MAGI2: variants seen among roughly 807,000 people sequenced by gnomAD.
The protein encoded by MAGI2 is membrane-associated guanylate kinase, WW and PDZ domain-containing protein 2.
Under a neutral mutation model 133.3 loss-of-function variants are expected in MAGI2, and 35 were observed. That is an observed-to-expected ratio of 0.26 (90% CI 0.20 to 0.35). The LOEUF (loss-of-function observed/expected upper bound fraction) is 0.35. MAGI2 is among the 10% of genes least tolerant of loss of function. The probability of loss-of-function intolerance (pLI) is 1.00; values close to 1 mark genes in which losing one functional copy is unlikely to be tolerated. For missense variants in MAGI2, 1,636 were observed against 1,863.4 expected (o/e 0.88, Z 2.25); for synonymous variants, 729 against 710.6 (o/e 1.03, Z -0.41).
intron 1 of MAGI2, among the ~76,000 whole-genome samples, chr7:79,235,439 C>T (rs1831824421): frequency 6.6e-6 from 1 of 152,194 alleles, no homozygotes; most frequent in Non-Finnish European, 1.5e-5. Context: ...TGCTAGCAAT[C>T]AGCGAGACTC....
intron 1 of MAGI2, among the ~76,000 whole-genome samples, chr7:79,228,316 C>G (rs1162972283): frequency 1.8e-5 from 2 of 111,456 alleles, no homozygotes; most frequent in African/African-American, 3.3e-5. Flanking sequence ...GCACCCCAGG[C>G]TGGGTGACAG....
At chr7:78,856,621 T>C (rs1186791440) in intron 2 of MAGI2, among the ~76,000 whole-genome samples, 3 of 152,212 alleles carry the variant, frequency 2.0e-5, no homozygotes, top group Non-Finnish European at 2.9e-5. Context: ...ATCTCTGGTT[T>C]GGTACCAGTA....
At chr7:78,772,190 T>A (rs1197260929) in intron 2 of MAGI2, among the ~76,000 whole-genome samples, 1 of 152,218 alleles carries the variant, frequency 6.6e-6, no homozygotes, top group Admixed American at 6.5e-5. Context: ...CTCTTCTATC[T>A]CTACCACTGA....
intron 1 of MAGI2, among the ~76,000 whole-genome samples, chr7:79,368,011 C>T (rs556405745): frequency 4.6e-5 from 7 of 151,804 alleles, no homozygotes; most frequent in Non-Finnish European, 1.0e-4. Context: ...GGATAATTTC[C>T]TATGAACTGG....
At chr7:79,026,979 A>G (rs1809956536) in intron 1 of MAGI2, among the ~76,000 whole-genome samples, 1 of 152,230 alleles carries the variant, frequency 6.6e-6, no homozygotes, top group African/African-American at 2.4e-5. Context: ...TTCACTAATT[A>G]TTAGAGAAAT....
chr7:79,241,573 C>A (rs1279925514), intron 1 of MAGI2, among the ~76,000 whole-genome samples: 2 of 152,126 alleles, frequency 1.3e-5, no homozygotes, highest in African/African-American at 4.8e-5. Flanking sequence ...AACTTTTAAG[C>A]AAGGATGATA....
intron 1 of MAGI2, chr7:79,410,682 T>G (rs1846084926): frequency 6.6e-6 from 1 of 152,150 alleles, no homozygotes; most frequent in Non-Finnish European, 1.5e-5. Context: ...ATATGCCCAC[T>G]CAAATAGGTT....
intron 1 of MAGI2, among the ~76,000 whole-genome samples, chr7:79,076,164 C>G (rs1815443748): frequency 6.6e-6 from 1 of 152,184 alleles, no homozygotes; most frequent in African/African-American, 2.4e-5. Context: ...GTGCATCAAA[C>G]TCACTGACAT....
At chr7:79,024,378 C>T (rs746494613) in intron 1 of MAGI2, among the ~76,000 whole-genome samples, 1 of 152,008 alleles carries the variant, frequency 6.6e-6, no homozygotes, top group Non-Finnish European at 1.5e-5. Context: ...ACTATAAAAA[C>T]CCTGAATGAT....
At chr7:78,985,748 A>G (rs964801960) in intron 2 of MAGI2, among the ~76,000 whole-genome samples, 19 of 152,124 alleles carry the variant, frequency 1.2e-4, no homozygotes, top group African/African-American at 1.7e-4. Context: ...GAGACCTTCT[A>G]TAATTCCATA....
At chr7:79,287,714 A>T (rs1032823586) in intron 1 of MAGI2, among the ~76,000 whole-genome samples, 2 of 152,152 alleles carry the variant, frequency 1.3e-5, no homozygotes, top group African/African-American at 4.8e-5. Flanking sequence ...ATCAGTAAGT[A>T]GTGGCTTCAG....
chr7:79,044,382 T>A (rs1811976859), intron 1 of MAGI2, among the ~76,000 whole-genome samples: 1 of 152,130 alleles, frequency 6.6e-6, no homozygotes, highest in African/African-American at 2.4e-5. Context: ...AAATTTAACA[T>A]CCTTTCAGGT....
intron 2 of MAGI2, among the ~76,000 whole-genome samples, chr7:78,665,711 A>G (rs1813485318): frequency 6.6e-6 from 1 of 152,188 alleles, no homozygotes; most frequent in East Asian, 1.9e-4. Flanking sequence ...AGGAGAAAAA[A>G]GAAACCATAT....
chr7:78,345,711 A>G, intron 8 of MAGI2: 1 of 610,118 alleles, frequency 1.6e-6, no homozygotes, highest in African/African-American at 1.8e-5. Context: ...GTACATTCCT[A>G]TAAAGTACTG....
intron 2 of MAGI2, among the ~76,000 whole-genome samples, chr7:78,958,499 T>C (rs113233008): frequency 4.6e-5 from 7 of 152,286 alleles, no homozygotes; most frequent in African/African-American, 1.7e-4. Flanking sequence ...CATAACTCAA[T>C]GAAAATTGTG....
intron 5 of MAGI2, among the ~76,000 whole-genome samples, chr7:78,495,061 G>A (rs1179705120): frequency 6.6e-6 from 1 of 152,174 alleles, no homozygotes; most frequent in Non-Finnish European, 1.5e-5. Flanking sequence ...TAGTAGTAGT[G>A]ATATAAGTTC....
chr7:78,953,315 C>A (rs1802020247), intron 2 of MAGI2, among the ~76,000 whole-genome samples: 1 of 152,022 alleles, frequency 6.6e-6, no homozygotes, highest in Non-Finnish European at 1.5e-5. Flanking sequence ...AAAAACTTAC[C>A]CACAAAGATG....
intron 2 of MAGI2, among the ~76,000 whole-genome samples, chr7:78,780,882 G>A (rs1218594164): frequency 3.3e-5 from 5 of 152,166 alleles, no homozygotes; most frequent in African/African-American, 9.7e-5. Context: ...TAGAATAAAA[G>A]TAAGATGACT....
intron 1 of MAGI2, among the ~76,000 whole-genome samples, chr7:79,303,429 C>T (rs916324913): frequency 1.3e-5 from 2 of 152,290 alleles, no homozygotes; most frequent in East Asian, 1.9e-4. Context: ...ATGCCAGTTA[C>T]ACATCATTTA....
Sources: gnomAD v4.1 joint callset for allele counts (sites outside exome capture counted in the v4.1 genomes callset) on GRCh38, gnomAD v4.1.1 for gene constraint, MANE v1.5 for transcripts, NCBI Gene and HGNC (gene_info 2026-07-23, HGNC 2026-07-21) for gene names.